The following NHSL1 variants were observed in gnomAD, a reference collection of about 807,000 sequenced individuals.
The protein encoded by NHSL1 is NHS like 1.
In NHSL1, 48 loss-of-function variants were observed where a neutral mutation model predicts 95.0. That is an observed-to-expected ratio of 0.51 (90% CI 0.40 to 0.64). The LOEUF is 0.64. Ranked by LOEUF, NHSL1 falls within the 30% of genes least tolerant of loss-of-function variation. The probability of loss-of-function intolerance (pLI) is 0.00; values close to 1 mark genes in which losing one functional copy is unlikely to be tolerated. For synonymous variants in NHSL1, 783 were observed against 833.9 expected (o/e 0.94, Z 1.05); for missense variants, 1,971 against 2,077.7 (o/e 0.95, Z 1.00).
At chr6:138,668,025 G>A (rs1156286339) in intron 1 of NHSL1, among the ~76,000 whole-genome samples, 1 of 152,038 alleles carries the variant, frequency 6.6e-6, no homozygotes, top group African/African-American at 2.4e-5. Flanking sequence ...TGACTGTGTG[G>A]TACACTTAGG....
Position 138,432,501 on chromosome 6 carries a change from G to C in NHSL1, c.1844C>G (p.Ser615Cys), listed in dbSNP as rs1415248674. 3 of 1,552,224 alleles carry C rather than the reference G, an allele frequency of 1.9e-6. No individual in the cohort carries two copies. Among genetic ancestry groups the C allele is most frequent in the Non-Finnish European group, 2.6e-6 (3 of 1,147,050 alleles). Reference sequence around the variant, plus strand: ...GCACAGATTCCCAGATCCATGTCCAGAGTCAGTGTGCACAGATGCACAGTA... The same window carrying C: ...GCACAGATTCCCAGATCCATGTCCACAGTCAGTGTGCACAGATGCACAGTA... ...DGYCASVHTD[S>C]GHGSGNLCNS... The change falls in exon 6 of 8, where the codon TCT becomes TGT. Residue 615 changes from serine (S) to cysteine (C), a missense_variant. Transcript: ENST00000343505. The surrounding 1 kb of genome is among the most constrained non-coding windows in gnomAD (Gnocchi z 4.4).
Position 138,433,444 on chromosome 6 carries a change from T to C in NHSL1, c.901A>G (p.Met301Val), listed in dbSNP as rs115113989. 1,211 of 1,552,294 alleles carry C rather than the reference T, an allele frequency of 7.8e-4. 9 individuals carry two copies. In the African/African-American group the frequency reaches 0.014, roughly 18 times the overall value. The change falls in exon 6 of 8, where the codon ATG (methionine) becomes GTG (valine). Residue 301 changes from methionine (M) to valine (V), a missense_variant. Transcript: ENST00000343505. Reference protein sequence around the residue: ...MGHFSGSSGNMSVLSDSAGIV... With the variant: ...MGHFSGSSGNVSVLSDSAGIV... ...CCTGCAGAATCGCTCAGCACAGACATGTTGCCAGAGGAACCTGAGAAGTGG... is the reference window on the plus strand; with the variant it reads ...CCTGCAGAATCGCTCAGCACAGACACGTTGCCAGAGGAACCTGAGAAGTGG...
intron 1 of NHSL1, among the ~76,000 whole-genome samples, chr6:138,687,226 A>T (rs1429256293): frequency 6.6e-6 from 1 of 151,992 alleles, no homozygotes; most frequent in Non-Finnish European, 1.5e-5. Flanking sequence ...GCTTGAGCCC[A>T]GGAGTTCCAG....
chr6:138,575,959 A>G (rs898291305), upstream of NHSL1, among the ~76,000 whole-genome samples: 1 of 135,392 alleles, frequency 7.4e-6, no homozygotes, highest in East Asian at 2.1e-4. Flanking sequence ...AAAAATCCCT[A>G]CATTTATTTA....
chr6:138,429,654 G>T (rs553748643), intron 7 of NHSL1, 57 bp downstream of exon 7: 148 of 1,431,898 alleles, frequency 1.0e-4, no homozygotes, highest in Non-Finnish European at 1.3e-4. Flanking sequence ...TTGAGGTGCT[G>T]CTTGGAAAGA....
upstream of NHSL1, among the ~76,000 whole-genome samples, chr6:138,504,424 G>C (rs1780852790): frequency 6.6e-6 from 1 of 152,204 alleles, no homozygotes; most frequent in African/African-American, 2.4e-5. Context: ...AGATGATGGT[G>C]AAGTTCCTAG....
chr6:138,475,047 G>A (rs1462086264), intron 2 of NHSL1, among the ~76,000 whole-genome samples: 3 of 151,792 alleles, frequency 2.0e-5, no homozygotes, highest in Non-Finnish European at 2.9e-5. Context: ...ACTCGGGAAG[G>A]TTGAGGCAGG....
chr6:138,632,200 C>G (rs980212380), intron 1 of NHSL1, among the ~76,000 whole-genome samples: 1 of 152,194 alleles, frequency 6.6e-6, no homozygotes, highest in African/African-American at 2.4e-5. Context: ...AGTTGAGCCA[C>G]AGTATATTAG....
At chr6:138,555,293 G>A (rs1002374171) in intron 1 of NHSL1, among the ~76,000 whole-genome samples, 5 of 152,056 alleles carry the variant, frequency 3.3e-5, no homozygotes, top group Admixed American at 1.3e-4. Flanking sequence ...GTAATGGCTG[G>A]GATTTCCTTT....
intron 1 of NHSL1, among the ~76,000 whole-genome samples, chr6:138,536,553 C>A (rs1318326049): frequency 7.0e-6 from 1 of 142,970 alleles, no homozygotes; most frequent in Non-Finnish European, 1.5e-5. Context: ...TGCATTCAAT[C>A]TTTTCAGCAT....
chr6:138,692,786 C>T (rs1373116291), upstream of NHSL1, among the ~76,000 whole-genome samples: 4 of 150,116 alleles, frequency 2.7e-5, no homozygotes, highest in African/African-American at 9.7e-5. The surrounding 1 kb of genome is among the most constrained non-coding windows in gnomAD (Gnocchi z 4.0). Context: ...GCCGGCGGCG[C>T]GGGATCCCTC....
chr6:138,565,494 G>A (rs1034202876), intron 1 of NHSL1, among the ~76,000 whole-genome samples: 1 of 152,254 alleles, frequency 6.6e-6, no homozygotes, highest in South Asian at 2.1e-4. Context: ...AAGCAAGAGA[G>A]GACAGAAGAT....
intron 1 of NHSL1, among the ~76,000 whole-genome samples, chr6:138,643,518 AG>A (rs1172188073): frequency 6.6e-6 from 1 of 152,240 alleles, no homozygotes; most frequent in Admixed American, 6.5e-5. Flanking sequence ...AACCTGAAGA[AG>A]GGTACACCTT....
intron 1 of NHSL1, 67 bp downstream of exon 1, chr6:138,499,166 C>G (rs1477582835): frequency 9.6e-7 from 1 of 1,040,230 alleles, no homozygotes; most frequent in Non-Finnish European, 1.4e-6. Flanking sequence ...CACAGACACA[C>G]AGGGACATAT....
chr6:138,499,492 C>T lies in NHSL1; in HGVS notation c.-202G>A, dbSNP rs1349489383. The T allele has an allele frequency of 1.3e-5, 16 of 1,220,252 alleles. No individual in the cohort carries two copies. The highest frequency in any genetic ancestry group is 3.1e-5 in the East Asian group (1 of 32,400). The allele number at this position is 1,220,252 out of a possible 1,614,324, so 75.6% of individuals were successfully genotyped here. On this transcript the variant is annotated 5_prime_UTR_variant, in exon 1 of 8. Coordinates refer to ENST00000343505, the MANE Select transcript of NHSL1 (RefSeq NM_001144060.2). ...TTACAAACCATTAACAGTCCTTGAA[C>T]CTGAAAAACTCCTACTGAAACCTAA...
chr6:138,511,116 G>T (rs1781202059), intron 1 of NHSL1, among the ~76,000 whole-genome samples: 1 of 152,194 alleles, frequency 6.6e-6, no homozygotes, highest in South Asian at 2.1e-4. Context: ...TTGTAAAAAT[G>T]ATACGCTTAG....
At chr6:138,449,569 C>T (rs1777096446) in intron 3 of NHSL1, among the ~76,000 whole-genome samples, 2 of 151,844 alleles carry the variant, frequency 1.3e-5, no homozygotes, top group African/African-American at 2.4e-5. Flanking sequence ...CTCAGCTACT[C>T]GGGAGGTTAA....
intron 1 of NHSL1, among the ~76,000 whole-genome samples, chr6:138,615,475 C>CT (rs200009909): frequency 6.6e-6 from 1 of 152,252 alleles, no homozygotes; most frequent in East Asian, 1.9e-4. Context: ...AAGTCAGGTT[C>CT]TTTTTTTCTT....
At chr6:138,685,440 T>C (rs1436441600) in intron 1 of NHSL1, among the ~76,000 whole-genome samples, 3 of 152,176 alleles carry the variant, frequency 2.0e-5, no homozygotes, top group Non-Finnish European at 2.9e-5. Flanking sequence ...TATGAATGTA[T>C]TGTGGGCAGA....
Sources: gnomAD v4.1 joint callset for allele counts (sites outside exome capture counted in the v4.1 genomes callset) on GRCh38, gnomAD v4.1.1 for gene constraint, Gnocchi (gnomAD v3.1) non-coding constraint, MANE v1.5 for transcripts, NCBI Gene and HGNC (gene_info 2026-07-23, HGNC 2026-07-21) for gene names.